The following FHIP1B variants were observed in gnomAD, a reference collection of about 807,000 sequenced individuals.
FHIP1B encodes the protein FHF complex subunit HOOK-interacting protein 1B.
FHIP1B carries 28 observed loss-of-function variants against 82.2 expected under a neutral mutation model. That is an observed-to-expected ratio of 0.34 (90% confidence interval 0.25 to 0.47). FHIP1B has a LOEUF of 0.47. FHIP1B is among the 20% of genes least tolerant of loss of function. The probability of loss-of-function intolerance (pLI) is 1.00; values close to 1 mark genes in which losing one functional copy is unlikely to be tolerated. For synonymous variants in FHIP1B, 585 were observed against 516.1 expected, an observed-to-expected ratio of 1.13 and a Z score of -1.81; for missense variants, 1,110 against 1,262.6, an observed-to-expected ratio of 0.88 and a Z score of 1.83.
At chr11:6,216,571 G>A (rs190136221) in intron 9 of FHIP1B, 2 of 155,382 alleles carry the variant, frequency 1.3e-5, no homozygotes, top group Admixed American at 1.3e-4. Context: ...TTGTTTTTTG[G>A]TTTTCCTGGC....
intron 1 of FHIP1B, among the ~76,000 whole-genome samples, chr11:6,229,306 T>C (rs1409403372): frequency 6.6e-6 from 1 of 152,228 alleles, no homozygotes; most frequent in African/African-American, 2.4e-5. Context: ...TATAAATTCC[T>C]GATGAAATAA....
At chr11:6,216,346 T>A (rs888644996) in intron 9 of FHIP1B, among the ~76,000 whole-genome samples, 1 of 152,214 alleles carries the variant, frequency 6.6e-6, no homozygotes, top group Non-Finnish European at 1.5e-5. Flanking sequence ...AGTGTTTGCC[T>A]TAGTCAACTT....
intron 6 of FHIP1B, among the ~76,000 whole-genome samples, chr11:6,220,031 A>C (rs1847362493): frequency 6.6e-6 from 1 of 152,244 alleles, no homozygotes; most frequent in East Asian, 1.9e-4. Flanking sequence ...AGTGGGTAGA[A>C]AAGTGGTCCC....
chr11:6,212,419 A>G (rs1317966831), intron 11 of FHIP1B, among the ~76,000 whole-genome samples: 2 of 152,178 alleles, frequency 1.3e-5, no homozygotes, highest in African/African-American at 2.4e-5. Flanking sequence ...CACAGGGGCT[A>G]TATATGCAAT....
chr11:6,223,266 A>C lies in FHIP1B; in HGVS notation c.778-28T>G. 1.3e-6 allele frequency: 2 copies of C among 1,575,810 alleles called. No individual in the cohort carries two copies. Among genetic ancestry groups the C allele is most frequent in the South Asian group, 2.4e-5 (2 of 83,820 alleles). On this transcript the variant is annotated intron_variant, in intron 3 of 11. Transcript: ENST00000449352. This position sits in a 1 kb window ranked among gnomAD's most constrained non-coding sequence, Gnocchi z 4.8. ...ATGAGAAGTTACCAAAAGCTCATATATAAAATACATTTATAAAATATAAAA... is the reference window on the plus strand; with the variant it reads ...ATGAGAAGTTACCAAAAGCTCATATCTAAAATACATTTATAAAATATAAAA...
At chr11:6,231,914 G>C (rs1590639419) in intron 1 of FHIP1B, among the ~76,000 whole-genome samples, 1 of 152,182 alleles carries the variant, frequency 6.6e-6, no homozygotes, top group Non-Finnish European at 1.5e-5. Context: ...GGATGACCAT[G>C]TTTTATTCAT....
At chr11:6,228,837 T>C (rs60764862) in intron 1 of FHIP1B, among the ~76,000 whole-genome samples, 4,092 of 152,244 alleles carry the variant, frequency 0.027, 63 homozygotes, top group African/African-American at 0.038. Context: ...ACTGGACAAG[T>C]ACTTATCCAC....
chr11:6,216,751 A>C lies in FHIP1B; in HGVS notation c.2215+620T>G, dbSNP rs115833536. ...TTTGCCTTCAAAGAAATTGCACTCT[A>C]TCTGCTTAAGACAGTCTTAGTGCTA... is the stretch of plus-strand genomic sequence containing the variant. On this transcript the variant is annotated intron_variant, in intron 9 of 11. Transcript: ENST00000449352. 5.2e-3 allele frequency: 1,746 copies of C among 334,258 alleles called. 27 individuals carry two copies. The highest frequency in any genetic ancestry group is 0.034 in the African/African-American group (1,621 of 47,942). 20.7% of individuals were successfully genotyped at this position (334,258 alleles called of 1,614,324 possible). A position where few individuals can be genotyped will look rare whatever the true frequency, so the allele number is the denominator to read the frequency against.
intron 1 of FHIP1B, among the ~76,000 whole-genome samples, chr11:6,225,454 G>C (rs1454494678): frequency 6.6e-6 from 1 of 152,084 alleles, no homozygotes; most frequent in Admixed American, 6.5e-5. Context: ...TCACTCTCTA[G>C]CTTCCTAATC....
chr11:6,217,624 C>A lies in FHIP1B; in HGVS notation c.1962G>T (p.Lys654Asn), dbSNP rs1189546826. 3 of 1,613,904 alleles carry A rather than the reference C, an allele frequency of 1.9e-6. No homozygotes were observed. Among genetic ancestry groups the A allele is most frequent in the Non-Finnish European group, 2.5e-6 (3 of 1,180,002 alleles). ...CCTCTAGCAGTTCCCCAGCTCCCTC[C>A]TTTGGCACCAGACGAACCTTCTTGG... ...EGAKKVRLVP[K>N]EGAGELLEGI... The change falls in exon 9 of 12, where the codon AAG becomes AAT. Residue 654 changes from lysine to asparagine, a missense_variant. By Grantham distance (94) the Lys-to-Asn change is moderately conservative. Transcript: ENST00000449352.
At position 6,217,863 on chromosome 11, in the gene FHIP1B, G is replaced by T; in HGVS notation, c.1723C>A (p.Pro575Thr). 2 of 1,613,822 alleles carry T rather than the reference G, an allele frequency of 1.2e-6. No individual in the cohort carries two copies. The highest frequency in any genetic ancestry group is 1.7e-6 in the Non-Finnish European group (2 of 1,180,028). The change falls in exon 9 of 12, where the codon CCC becomes ACC. Residue 575 changes from proline (P) to threonine (T), a missense_variant. By Grantham distance (38) the Pro-to-Thr change is conservative (BLOSUM62 -1). This residue lies in a region of FHIP1B where 418 missense variants were observed against 371.4 expected (regional missense o/e 1.13). Transcript: ENST00000449352. The part of the protein sequence containing the change: ...CVRACRTWSA[P>T]YDGERPSPEP... ...GGAGAGGGCCGCTCGCCATCATAGG[G>T]GGCAGACCAGGTACGGCAGGCTCGG...
Position 6,223,544 on chromosome 11 carries a change from T to C in FHIP1B, c.777+66A>G. ...TGGAACATAGCCTCTCCCCATCTCC[T>C]GGATAGGAAGGTGCTGTTCAGTATC... On this transcript the variant is annotated intron_variant, in intron 3 of 11. Transcript: ENST00000449352. This position sits in a 1 kb window ranked among gnomAD's most constrained non-coding sequence, Gnocchi z 4.8. The C allele has an allele frequency of 6.6e-7, 1 of 1,506,246 alleles. No individual in the cohort carries two copies. Among genetic ancestry groups the C allele is most frequent in the Non-Finnish European group, 8.9e-7 (1 of 1,124,390 alleles). The allele number at this position is 1,506,246 out of a possible 1,614,324, so 93.3% of individuals were successfully genotyped here.
intron 1 of FHIP1B, among the ~76,000 whole-genome samples, chr11:6,228,062 G>C (rs931193713): frequency 2.6e-5 from 4 of 152,126 alleles, no homozygotes; most frequent in Non-Finnish European, 5.9e-5. Context: ...ATAAAAATAG[G>C]GTAGGCCAGG....
Position 6,217,301 on chromosome 11 carries a change from A to C in FHIP1B, c.2215+70T>G, listed in dbSNP as rs764105374. 4.1e-6 allele frequency: 6 copies of C among 1,455,474 alleles called. No individual in the cohort carries two copies. The African/African-American group carries it at 8.3e-5, about 20-fold the overall frequency. 90.2% of individuals were successfully genotyped at this position (1,455,474 alleles called of 1,614,324 possible). ...AAATGACATGGCCAAGAGGTCCAAG[A>C]AACCAGCACAAACATGTCGAGAACA... On this transcript the variant is annotated intron_variant, in intron 9 of 11. Transcript: ENST00000449352.
Position 6,224,081 on chromosome 11 carries a change from G to C in FHIP1B, c.306C>G (p.His102Gln). The change falls in exon 3 of 12, where the codon CAC becomes CAG. Residue 102 changes from histidine to glutamine, a missense_variant. Around this residue, in one of 6 missense-constraint regions of FHIP1B, gnomAD observed 467 missense variants for 602.9 expected, o/e 0.77. Coordinates refer to ENST00000449352, the MANE Select transcript of FHIP1B (RefSeq NM_001098794.2). The part of the protein sequence containing the change: ...GPGPLLEFAL[H>Q]EDLLTRVLTW... ...TCAACACACGGGTCAGCAGATCCTC[G>C]TGCAGAGCAAACTCCAGCAGGGGCC... The C allele has an allele frequency of 6.2e-7, 1 of 1,613,750 alleles. No individual in the cohort carries two copies. Among genetic ancestry groups the C allele is most frequent in the Non-Finnish European group, 8.5e-7 (1 of 1,179,840 alleles).
In FHIP1B at chr11:6,223,573, A is replaced by T; in HGVS notation, c.777+37T>A. 1 of 1,544,224 alleles carries T rather than the reference A, an allele frequency of 6.5e-7. No homozygotes were observed. The highest frequency in any genetic ancestry group is 1.3e-5 in the South Asian group (1 of 78,930). On this transcript the variant is annotated intron_variant, in intron 3 of 11. Coordinates refer to ENST00000449352, the MANE Select transcript of FHIP1B (RefSeq NM_001098794.2). The surrounding 1 kb of genome is among the most constrained non-coding windows in gnomAD (Gnocchi z 4.8). ...TAGGAAGGTGCTGTTCAGTATCTAC[A>T]CACCACACCCTACCCTCCAAGCCAG...
At position 6,211,489 on chromosome 11, in the gene FHIP1B, T is replaced by A. The variant is rs757507679; in HGVS notation, c.*17A>T. On this transcript the variant is annotated 3_prime_UTR_variant, in exon 12 of 12. Transcript: ENST00000449352. ...CAGCCCGGGCCACCCATGGCCCTGA[T>A]TGTCCATGGAAGAAAGTTAAGGATT... is the stretch of plus-strand genomic sequence containing the variant. 4 of 1,556,110 alleles carry A rather than the reference T, an allele frequency of 2.6e-6. No homozygotes were observed.
At chr11:6,233,167 T>C (rs1564131) in intron 1 of FHIP1B, among the ~76,000 whole-genome samples, 69,613 of 152,046 alleles carry the variant, frequency 0.46, 17,872 homozygotes, top group East Asian at 0.81. Flanking sequence ...CCACAGGATA[T>C]AGGAGTTGGC....
Position 6,218,104 on chromosome 11 carries a change from G to C in FHIP1B, c.1482C>G (p.Pro494=), listed in dbSNP as rs768588090. The part of the protein sequence containing the change: ...SVDSSSVTTV[P]RPSTPSRLAL... ...CCAGACGAGATGGTGTGGAGGGCCGGGGTACTGTCGTCACAGAAGAGGAGT... is the reference window on the plus strand; with the variant it reads ...CCAGACGAGATGGTGTGGAGGGCCGCGGTACTGTCGTCACAGAAGAGGAGT... The change falls in exon 9 of 12, where the codon CCC becomes CCG. Residue 494 remains proline (P), a synonymous_variant. Coordinates refer to ENST00000449352, the MANE Select transcript of FHIP1B (RefSeq NM_001098794.2). The C allele has an allele frequency of 1.3e-5, 21 of 1,613,314 alleles. No individual in the cohort carries two copies. Among genetic ancestry groups the C allele is most frequent in the Non-Finnish European group, 1.5e-5 (18 of 1,179,690 alleles).
Sources: gnomAD v4.1 joint callset for allele counts (sites outside exome capture counted in the v4.1 genomes callset) on GRCh38, gnomAD v4.1.1 for gene constraint, gnomAD v4.1.1 regional missense constraint, Gnocchi (gnomAD v3.1) non-coding constraint, MANE v1.5 for transcripts, NCBI Gene and HGNC (gene_info 2026-07-23, HGNC 2026-07-21) for gene names.